The following NFAT5 variants were observed in gnomAD, a reference collection of about 807,000 sequenced individuals.
NFAT5 encodes the protein nuclear factor of activated T cells 5, also known as nuclear factor of activated T-cells 5.
Under a neutral mutation model 166.5 loss-of-function variants are expected in NFAT5, and 31 were observed. The ratio of observed to expected loss-of-function variants is 0.19; its 90% CI spans 0.14 to 0.25. NFAT5 has a LOEUF of 0.25. Among genes scored for constraint, NFAT5 ranks in the 10% least tolerant of loss-of-function variants. The probability of loss-of-function intolerance (pLI) is 1.00; values close to 1 mark genes in which losing one functional copy is unlikely to be tolerated. For missense variants in NFAT5, 1,449 were observed against 1,821.8 expected, an observed-to-expected ratio of 0.80 and a Z score of 3.72; for synonymous variants, 612 against 639.7, an observed-to-expected ratio of 0.96 and a Z score of 0.65.
Position 69,695,126 on chromosome 16 carries a change from G to A in NFAT5, c.4415-10G>A, listed in dbSNP as rs200584511. ...CAGCTTTTAAGCTTCTGTTTTCAATGTCTCTGCAGACTGTAGTCAGCTTTT... is the reference window on the plus strand; with the variant it reads ...CAGCTTTTAAGCTTCTGTTTTCAATATCTCTGCAGACTGTAGTCAGCTTTT... On this transcript the variant is annotated splice_polypyrimidine_tract_variant and intron_variant, in intron 13 of 14. Coordinates refer to ENST00000349945, the MANE Select transcript of NFAT5 (RefSeq NM_138713.4). The A allele has an allele frequency of 1.2e-4, 189 of 1,602,958 alleles. 1 individual carries two copies. Among genetic ancestry groups the A allele is most frequent in the African/African-American group, 1.3e-5 (1 of 74,758 alleles).
chr16:69,585,630 G>A (rs1260682111), intron 2 of NFAT5, among the ~76,000 whole-genome samples: 1 of 152,120 alleles, frequency 6.6e-6, no homozygotes, highest in African/African-American at 2.4e-5. Flanking sequence ...ATAAGTACAA[G>A]GGAATATTAT....
intron 6 of NFAT5, among the ~76,000 whole-genome samples, chr16:69,658,435 A>C (rs2035983382): frequency 6.7e-6 from 1 of 150,248 alleles, no homozygotes; most frequent in South Asian, 2.1e-4. Flanking sequence ...GTGAGCTGAG[A>C]TTGCAACATT....
intron 10 of NFAT5, among the ~76,000 whole-genome samples, chr16:69,680,635 A>T (rs1394719171): frequency 2.0e-5 from 3 of 152,202 alleles, no homozygotes; most frequent in African/African-American, 7.2e-5. Context: ...CACTCTTAGA[A>T]AACCTTGTTT....
At position 69,662,450 on chromosome 16, in the gene NFAT5, CTTTTT is replaced by C. The variant is rs539200298; in HGVS notation, c.1369+2571_1369+2575del. Among the ~76,000 whole-genome samples, 61 of 97,010 alleles carry C rather than the reference CTTTTT, an allele frequency of 6.3e-4. No individual in the cohort carries two copies. In the South Asian group the frequency reaches 0.014, roughly 22 times the overall value. The allele number at this position is 97,010 out of a possible 152,430, so 63.6% of individuals were successfully genotyped here. A position where few individuals can be genotyped will look rare whatever the true frequency, so the allele number is the denominator to read the frequency against. ...TTACAGAGGTAGACAACACCTCTTT[CTTTTT>C]TTTTTTTTTTTTTTTTTTTGAGACG... On this transcript the variant is annotated intron_variant, in intron 7 of 14. Transcript: ENST00000349945.
chr16:69,631,027 T>A (rs2034690839), intron 3 of NFAT5, among the ~76,000 whole-genome samples: 1 of 152,246 alleles, frequency 6.6e-6, no homozygotes, highest in Admixed American at 6.5e-5. Context: ...TTTGTTTGGC[T>A]TCATTTGGGA....
chr16:69,693,451 T>C lies in NFAT5; in HGVS notation c.3626T>C (p.Ile1209Thr). 1 of 1,614,104 alleles carries C rather than the reference T, an allele frequency of 6.2e-7. No individual in the cohort carries two copies. Among genetic ancestry groups the C allele is most frequent in the East Asian group, 2.2e-5 (1 of 44,878 alleles). ...CAACAGCAAGCTCCAATATCACACA[T>C]CCAGACTCCTATGCTTTCCCAAGAA... ...AFQQQAPISH[I>T]QTPMLSQEQA... Residue 1209 changes from isoleucine (I) to threonine (T), a missense_variant, in exon 13 of 15, where the codon ATC becomes ACC. Ile to Thr is a moderately conservative substitution (Grantham distance 89). Around this residue, in one of 7 missense-constraint regions of NFAT5, gnomAD observed 891 missense variants for 993.0 expected, o/e 0.90. Coordinates refer to ENST00000349945, the MANE Select transcript of NFAT5 (RefSeq NM_138713.4).
chr16:69,692,036 A>T lies in NFAT5; in HGVS notation c.2211A>T (p.Arg737Ser). The T allele has an allele frequency of 6.2e-7, 1 of 1,614,208 alleles. No homozygotes were observed. Among genetic ancestry groups the T allele is most frequent in the Non-Finnish European group, 8.5e-7 (1 of 1,180,042 alleles). The change falls in exon 13 of 15, where the codon AGA becomes AGT. Residue 737 changes from arginine (R) to serine (S), a missense_variant. By Grantham distance (110) the Arg-to-Ser change is moderately radical. Transcript: ENST00000349945. ...TTCAGACAAGAGAAACTCAGTCTAG[A>T]GAGATATTACAGTCAGATGGTACAG... ...TQFQTRETQS[R>S]EILQSDGTVV... is the part of the protein sequence containing the mutation.
At chr16:69,628,120 A>G (rs1054384965) in intron 3 of NFAT5, among the ~76,000 whole-genome samples, 9 of 151,892 alleles carry the variant, frequency 5.9e-5, no homozygotes, top group Non-Finnish European at 1.0e-4. Context: ...GTTTAGAAAA[A>G]GAACAGTTCT....
intron 2 of NFAT5, among the ~76,000 whole-genome samples, chr16:69,589,096 G>A (rs61628167): frequency 0.19 from 26,928 of 145,190 alleles, 2,599 homozygotes; most frequent in East Asian, 0.38. Flanking sequence ...CTGGGTACAA[G>A]TGATTCTCCT....
At chr16:69,620,398 T>G (rs528049424) in intron 2 of NFAT5, among the ~76,000 whole-genome samples, 1 of 152,326 alleles carries the variant, frequency 6.6e-6, no homozygotes, top group South Asian at 2.1e-4. Context: ...GATTACACAT[T>G]ATCGCACAAA....
intron 2 of NFAT5, among the ~76,000 whole-genome samples, chr16:69,588,424 A>C (rs151308752): frequency 6.6e-6 from 1 of 152,208 alleles, no homozygotes; most frequent in South Asian, 2.1e-4. Context: ...TGGGGTGCCA[A>C]GCTTCAAAAG....
chr16:69,619,048 A>G (rs925966698), intron 2 of NFAT5, among the ~76,000 whole-genome samples: 2 of 152,222 alleles, frequency 1.3e-5, no homozygotes, highest in Non-Finnish European at 2.9e-5. Flanking sequence ...GCAAGTCCAT[A>G]GTATTAGTTG....
intron 5 of NFAT5, 109 bp from the exon 6 acceptor site, chr16:69,655,500 T>A (rs1597479870): frequency 2.4e-6 from 2 of 818,954 alleles, no homozygotes; most frequent in Non-Finnish European, 1.7e-6. Flanking sequence ...TAAATTTTTT[T>A]AAATGTAATT....
At chr16:69,596,361 G>A (rs2032788922) in intron 2 of NFAT5, among the ~76,000 whole-genome samples, 1 of 151,984 alleles carries the variant, frequency 6.6e-6, no homozygotes, top group African/African-American at 2.4e-5. Context: ...AAACCCAAAC[G>A]TCCCAGATGA....
chr16:69,671,759 C>G (rs2036630152), intron 9 of NFAT5, among the ~76,000 whole-genome samples: 1 of 152,218 alleles, frequency 6.6e-6, no homozygotes, highest in African/African-American at 2.4e-5. Flanking sequence ...GTCCCAGGCA[C>G]TAACCTTCTG....
chr16:69,679,446 C>T (rs893551474), intron 10 of NFAT5, among the ~76,000 whole-genome samples: 2 of 151,756 alleles, frequency 1.3e-5, no homozygotes, highest in Non-Finnish European at 2.9e-5. Context: ...TGAAACCCCT[C>T]TCTACTAAAA....
intron 10 of NFAT5, among the ~76,000 whole-genome samples, chr16:69,683,449 T>G (rs2037155696): frequency 6.6e-6 from 1 of 152,030 alleles, no homozygotes; most frequent in African/African-American, 2.4e-5. Flanking sequence ...GGTGATGGCT[T>G]GAGCTTGGGA....
chr16:69,653,914 C>T (rs573390161), intron 5 of NFAT5, among the ~76,000 whole-genome samples: 12 of 151,980 alleles, frequency 7.9e-5, no homozygotes, highest in African/African-American at 2.9e-4. Flanking sequence ...TTATAGTAAT[C>T]AAGACTATTG....
intron 9 of NFAT5, among the ~76,000 whole-genome samples, chr16:69,674,903 C>T (rs1461679444): frequency 6.6e-6 from 1 of 152,160 alleles, no homozygotes; most frequent in Non-Finnish European, 1.5e-5. Flanking sequence ...CTCTTTTTAT[C>T]CCAAAGAGCA....
Sources: allele counts gnomAD v4.1 joint callset (sites outside exome capture counted in the v4.1 genomes callset), GRCh38; gene constraint gnomAD v4.1.1; regional missense constraint gnomAD v4.1.1; transcripts MANE v1.5; gene names NCBI Gene and HGNC (gene_info 2026-07-23, HGNC 2026-07-21).